The following CHODL variants were observed in gnomAD, a reference collection of about 807,000 sequenced individuals.
CHODL encodes transmembrane protein MT75.
A neutral mutation model predicts 34.5 loss-of-function variants in CHODL; 29 were observed. The ratio of observed to expected loss-of-function variants is 0.84; its 90% CI spans 0.63 to 1.15. The LOEUF is 1.15. Ranked by LOEUF, CHODL falls within the 50% of genes most tolerant of loss-of-function variation. The pLI, the probability that CHODL is intolerant of heterozygous loss-of-function variation, is 0.00. For synonymous variants in CHODL, 125 were observed against 116.1 expected, an observed-to-expected ratio of 1.08 and a Z score of -0.49; for missense variants, 332 against 332.5, an observed-to-expected ratio of 1.00 and a Z score of 0.01.
At chr21:17,946,721 C>T (rs2063412631) in intron 1 of CHODL, among the ~76,000 whole-genome samples, 1 of 152,094 alleles carries the variant, frequency 6.6e-6, no homozygotes, top group Non-Finnish European at 1.5e-5. Flanking sequence ...AGTAAAGCTA[C>T]CCCTGCTTTC....
chr21:18,128,042 T>C (rs567484566), intron 2 of CHODL, among the ~76,000 whole-genome samples: 2 of 151,766 alleles, frequency 1.3e-5, no homozygotes, highest in South Asian at 4.2e-4. Flanking sequence ...GGCTCATGCT[T>C]GTAATCCCAG....
Position 18,095,746 on chromosome 21 carries a change from G to A in CHODL, c.-45+67775G>A, listed in dbSNP as rs553377297. Among the ~76,000 whole-genome samples the A allele has an allele frequency of 1.2e-4, 19 of 152,262 alleles. No individual in the cohort carries two copies. The South Asian group carries it at 1.7e-3, about 13-fold the overall frequency. ...TATCTCTGATGAATATTAATGCAAT[G>A]ATTCTCAAGAAAATACTAGCAAACT... On this transcript the variant is annotated intron_variant, in intron 2 of 6. Transcript: ENST00000400127.
At chr21:17,957,275 T>G (rs2063499891) in intron 1 of CHODL, among the ~76,000 whole-genome samples, 1 of 152,216 alleles carries the variant, frequency 6.6e-6, no homozygotes, top group Non-Finnish European at 1.5e-5. Flanking sequence ...TAGTTTCATG[T>G]CAGTCTATTC....
At chr21:18,124,733 A>G (rs971533253) in intron 2 of CHODL, among the ~76,000 whole-genome samples, 2 of 152,238 alleles carry the variant, frequency 1.3e-5, no homozygotes, top group Admixed American at 1.3e-4. Context: ...TTGAACTGGT[A>G]GAAGAAAGGT....
Position 18,138,594 on chromosome 21 carries a change from G to C in CHODL, c.-45+110623G>C, listed in dbSNP as rs75127747. On this transcript the variant is annotated intron_variant, in intron 2 of 6. Transcript: ENST00000400127. ...GGAAGGAACAGTAATGGAATGGATG[G>C]ATGCATTGCCTTGTAGATCAATCAA... Among the ~76,000 whole-genome samples the C allele has an allele frequency of 2.8e-3, 422 of 152,288 alleles. 4 individuals carry two copies. The East Asian group carries it at 0.048, about 17-fold the overall frequency.
rs763303055 is a variant in CHODL at position 18,266,033 on chromosome 21, G to A, written c.817G>A (p.Val273Ile). 6.2e-7 allele frequency: 1 copy of A among 1,613,490 alleles called. No individual in the cohort carries two copies. Reference sequence around the variant, plus strand: ...TACCAGAAAAGAAAGTGGCATGGAAGTATAATAACTCATTGACTTGGTTCC... The same window carrying A: ...TACCAGAAAAGAAAGTGGCATGGAAATATAATAACTCATTGACTTGGTTCC... ...KSTRKESGME[V>I] The change falls in exon 6 of 6, where the codon GTA (valine) becomes ATA (isoleucine). Residue 273 changes from valine (V) to isoleucine (I), a missense_variant. Val to Ile is a conservative substitution (Grantham distance 29). Transcript: ENST00000299295.
chr21:18,251,703 TTTA>T (rs1454453305), intron 1 of CHODL, among the ~76,000 whole-genome samples: 1 of 141,658 alleles, frequency 7.1e-6, no homozygotes, highest in Non-Finnish European at 1.5e-5. Flanking sequence ...ATTTTATTTA[TTTA>T]TTTTAATATA....
At chr21:18,078,265 A>G (rs550774106) in intron 2 of CHODL, among the ~76,000 whole-genome samples, 1 of 152,242 alleles carries the variant, frequency 6.6e-6, no homozygotes, top group African/African-American at 2.4e-5. Flanking sequence ...AAGGCAAAGG[A>G]GAAGGAAAGG....
intron 2 of CHODL, among the ~76,000 whole-genome samples, chr21:18,136,069 T>G (rs963199005): frequency 3.4e-5 from 4 of 118,600 alleles, no homozygotes; most frequent in Non-Finnish European, 4.8e-5. Flanking sequence ...CTTGCGCCAC[T>G]GAACTCCAGC....
intron 1 of CHODL, among the ~76,000 whole-genome samples, chr21:17,960,047 T>C (rs962277318): frequency 6.6e-6 from 1 of 152,144 alleles, no homozygotes; most frequent in African/African-American, 2.4e-5. Context: ...CAGAGAAGCC[T>C]GTCTTGTGTT....
intron 1 of CHODL, among the ~76,000 whole-genome samples, chr21:17,941,447 C>CTT (rs75876564): frequency 1.1e-4 from 13 of 121,200 alleles, no homozygotes; most frequent in East Asian, 4.9e-4. Flanking sequence ...AGGAGCTGGG[C>CTT]TTTTTTTTTT....
intron 2 of CHODL, among the ~76,000 whole-genome samples, chr21:18,072,500 A>G (rs1321884870): frequency 6.6e-6 from 1 of 152,186 alleles, no homozygotes; most frequent in Non-Finnish European, 1.5e-5. Context: ...AGAAGACTCT[A>G]GTTAAAATAA....
intron 2 of CHODL, among the ~76,000 whole-genome samples, chr21:18,066,409 A>C (rs1330385508): frequency 6.6e-6 from 1 of 152,158 alleles, no homozygotes; most frequent in African/African-American, 2.4e-5. Flanking sequence ...ATTTTATTTC[A>C]GTGATGCTGC....
At chr21:17,925,226 A>T (rs2063213596) in intron 1 of CHODL, among the ~76,000 whole-genome samples, 1 of 152,212 alleles carries the variant, frequency 6.6e-6, no homozygotes, top group South Asian at 2.1e-4. Context: ...GTACCATGCT[A>T]CAGTGTGCAT....
intron 2 of CHODL, among the ~76,000 whole-genome samples, chr21:18,056,359 T>G (rs2064579901): frequency 6.7e-6 from 1 of 150,256 alleles, no homozygotes; most frequent in African/African-American, 2.5e-5. Context: ...ATTTTTATCT[T>G]AAAAATAAAG....
chr21:18,147,196 G>A (rs2072901323), intron 2 of CHODL, among the ~76,000 whole-genome samples: 1 of 152,222 alleles, frequency 6.6e-6, no homozygotes, highest in Non-Finnish European at 1.5e-5. Context: ...ACATGGAAGA[G>A]TACACTTGGT....
chr21:18,105,141 T>C (rs1365470174), intron 2 of CHODL, among the ~76,000 whole-genome samples: 1 of 152,216 alleles, frequency 6.6e-6, no homozygotes, highest in East Asian at 1.9e-4. Context: ...TAAATAGTCA[T>C]GGCTATTTCA....
intron 1 of CHODL, among the ~76,000 whole-genome samples, chr21:17,969,978 C>T (rs1403373714): frequency 6.6e-6 from 1 of 152,154 alleles, no homozygotes; most frequent in Non-Finnish European, 1.5e-5. Flanking sequence ...GCCTCTTTCC[C>T]ACCCATTACT....
intron 1 of CHODL, among the ~76,000 whole-genome samples, chr21:17,978,288 G>A (rs1208261397): frequency 1.3e-5 from 2 of 152,006 alleles, no homozygotes; most frequent in Non-Finnish European, 2.9e-5. Flanking sequence ...TGGGTGTGGT[G>A]GCGCATGCCT....
Sources: gnomAD v4.1 joint callset for allele counts (sites outside exome capture counted in the v4.1 genomes callset) on GRCh38, gnomAD v4.1.1 for gene constraint, MANE v1.5 for transcripts, NCBI Gene and HGNC (gene_info 2026-07-23, HGNC 2026-07-21) for gene names.